B4GALT5: variants seen among roughly 807,000 people sequenced by gnomAD.
The protein encoded by B4GALT5 is UDP-Gal:beta-GlcNAc beta-1,4-galactosyltransferase 5.
Under a neutral mutation model 45.0 loss-of-function variants are expected in B4GALT5, and 11 were observed. The observed-to-expected ratio is 0.24, with a 90% CI of 0.15 to 0.40. The LOEUF (loss-of-function observed/expected upper bound fraction) is 0.40. Ranked by LOEUF, B4GALT5 falls within the 10% of genes least tolerant of loss-of-function variation. B4GALT5 has a pLI of 1.00. For synonymous variants in B4GALT5, 185 were observed against 182.9 expected (o/e 1.01, Z -0.09); for missense variants, 337 against 500.2 (o/e 0.67, Z 3.11).
At chr20:49,636,813 C>T (rs1188761318) in intron 8 of B4GALT5, among the ~76,000 whole-genome samples, 1 of 152,034 alleles carries the variant, frequency 6.6e-6, no homozygotes, top group Admixed American at 6.6e-5. Flanking sequence ...AAAGTTCATA[C>T]TCTGTATTCA....
intron 1 of B4GALT5, among the ~76,000 whole-genome samples, chr20:49,665,966 A>G (rs2085688762): frequency 6.6e-6 from 1 of 152,056 alleles, no homozygotes; most frequent in Admixed American, 6.6e-5. Context: ...GGGGAGCAAG[A>G]GCGAAAGGGC....
intron 2 of B4GALT5, among the ~76,000 whole-genome samples, chr20:49,649,864 C>T (rs899066572): frequency 2.6e-5 from 4 of 152,152 alleles, no homozygotes; most frequent in African/African-American, 2.4e-5. Flanking sequence ...TGGCAAGAGA[C>T]GCTGGCTGGA....
chr20:49,671,490 T>C (rs1317727986), intron 1 of B4GALT5, among the ~76,000 whole-genome samples: 1 of 152,230 alleles, frequency 6.6e-6, no homozygotes, highest in Non-Finnish European at 1.5e-5. Flanking sequence ...ACATTGTATA[T>C]ATACTACATA....
chr20:49,697,942 T>C (rs1368374033), intron 1 of B4GALT5, among the ~76,000 whole-genome samples: 1 of 152,212 alleles, frequency 6.6e-6, no homozygotes, highest in East Asian at 1.9e-4. Context: ...CCTGATTAAA[T>C]AAACTGCCCC....
chr20:49,705,590 A>C (rs771383334), intron 1 of B4GALT5, among the ~76,000 whole-genome samples: 1 of 152,220 alleles, frequency 6.6e-6, no homozygotes, highest in Non-Finnish European at 1.5e-5. Context: ...TTCTCACCGC[A>C]GCAGTCTGGG....
intron 1 of B4GALT5, among the ~76,000 whole-genome samples, chr20:49,702,093 A>C (rs2085864387): frequency 6.6e-6 from 1 of 152,174 alleles, no homozygotes; most frequent in Admixed American, 6.6e-5. Flanking sequence ...GGAAATACCA[A>C]ACAAAATGTG....
intron 1 of B4GALT5, among the ~76,000 whole-genome samples, chr20:49,660,922 T>TG (rs1296582651): frequency 1.3e-5 from 2 of 152,212 alleles, no homozygotes; most frequent in Non-Finnish European, 2.9e-5. Context: ...ATCGTGCCAC[T>TG]GCACTCCAGC....
intron 1 of B4GALT5, among the ~76,000 whole-genome samples, chr20:49,699,014 C>A (rs2146358635): frequency 6.6e-6 from 1 of 152,186 alleles, no homozygotes; most frequent in South Asian, 2.1e-4. Flanking sequence ...CAAAGACTGG[C>A]AAGCAGATTC....
intron 2 of B4GALT5, among the ~76,000 whole-genome samples, chr20:49,651,201 G>C (rs1294423814): frequency 6.6e-6 from 1 of 151,934 alleles, no homozygotes; most frequent in African/African-American, 2.4e-5. Context: ...CAGGAGAATT[G>C]CTTGAACTCA....
intron 1 of B4GALT5, among the ~76,000 whole-genome samples, chr20:49,667,231 GT>G (rs59201583): frequency 0.12 from 15,933 of 137,900 alleles, 927 homozygotes; most frequent in Middle Eastern, 0.16. Flanking sequence ...TTTTTGAAGT[GT>G]TTTTTTTTTT....
chr20:49,699,753 A>G (rs956527881), intron 1 of B4GALT5, among the ~76,000 whole-genome samples: 4 of 152,180 alleles, frequency 2.6e-5, no homozygotes, highest in African/African-American at 9.7e-5. Context: ...AATCTGCCCA[A>G]TAGGAAATTC....
intron 1 of B4GALT5, among the ~76,000 whole-genome samples, chr20:49,710,667 C>T (rs949609806): frequency 2.6e-5 from 4 of 152,076 alleles, no homozygotes; most frequent in South Asian, 2.1e-4. Context: ...ATCCACCCAC[C>T]TTAGCCTCCC....
At chr20:49,639,585 C>T (rs2085567335) in intron 7 of B4GALT5, 93 bp downstream of exon 7, 4 of 1,508,060 alleles carry the variant, frequency 2.7e-6, no homozygotes, top group Non-Finnish European at 3.6e-6. Context: ...TGTTAAATTA[C>T]ACACATGGCT....
chr20:49,639,856 C>T (rs930275863), intron 6 of B4GALT5, 56 bp from the exon 7 acceptor site: 23 of 1,591,946 alleles, frequency 1.4e-5, no homozygotes, highest in African/African-American at 2.7e-5. Flanking sequence ...ACTGTTTTCC[C>T]TAGAAGGTTC....
At chr20:49,694,241 G>C (rs902269176) in intron 1 of B4GALT5, among the ~76,000 whole-genome samples, 1 of 152,016 alleles carries the variant, frequency 6.6e-6, no homozygotes. Flanking sequence ...GAAAAGAATG[G>C]GTTTACCTAG....
chr20:49,652,972 CCT>C (rs2085628439), intron 2 of B4GALT5, among the ~76,000 whole-genome samples: 1 of 152,140 alleles, frequency 6.6e-6, no homozygotes. Context: ...CCCAGAATAC[CCT>C]CTCTGACTGT....
chr20:49,662,456 G>A (rs995543576), intron 1 of B4GALT5, among the ~76,000 whole-genome samples: 6 of 152,294 alleles, frequency 3.9e-5, no homozygotes, highest in African/African-American at 9.6e-5. Context: ...TGGGAACACA[G>A]AGGATGCATA....
At chr20:49,657,459 C>A (rs188686300) in intron 1 of B4GALT5, among the ~76,000 whole-genome samples, 1 of 152,340 alleles carries the variant, frequency 6.6e-6, no homozygotes, top group Non-Finnish European at 1.5e-5. Flanking sequence ...TAGAAGCTCA[C>A]AAACACGTCA....
intron 1 of B4GALT5, among the ~76,000 whole-genome samples, chr20:49,710,418 T>TTTTGTG (rs1555815354): frequency 6.7e-6 from 1 of 148,498 alleles, no homozygotes; most frequent in African/African-American, 2.5e-5. Flanking sequence ...TTTTTTTTTT[T>TTTTGTG]TGTGTGTGTG....
Sources: gnomAD v4.1 joint callset for allele counts (sites outside exome capture counted in the v4.1 genomes callset) on GRCh38, gnomAD v4.1.1 for gene constraint, MANE v1.5 for transcripts, NCBI Gene and HGNC (gene_info 2026-07-23, HGNC 2026-07-21) for gene names.